Variants in TMEM268 observed in about 807,000 individuals in gnomAD.
The protein encoded by TMEM268 is transmembrane protein C9orf91.
In TMEM268, 24 loss-of-function variants were observed where a neutral mutation model predicts 39.1. That is an observed-to-expected ratio of 0.61 (90% CI 0.44 to 0.86). The LOEUF (loss-of-function observed/expected upper bound fraction) is 0.86, where lower values mean the gene tolerates loss of function less well. TMEM268 is among the 40% of genes least tolerant of loss of function. The pLI is 0.00. For missense variants in TMEM268, 409 were observed against 428.6 expected (o/e 0.95, Z 0.40); for synonymous variants, 176 against 173.5 (o/e 1.01, Z -0.12).
chr9:114,631,713 TA>T (rs1399306146), intron 5 of TMEM268, among the ~76,000 whole-genome samples: 2 of 152,220 alleles, frequency 1.3e-5, no homozygotes, highest in Non-Finnish European at 2.9e-5. Context: ...ATCTTCTTAC[TA>T]CAGATCTAGG....
chr9:114,604,972 C>T, the TMEM268 span, among the ~76,000 whole-genome samples: 3 of 152,328 alleles, frequency 2.0e-5, no homozygotes, highest in Non-Finnish European at 2.9e-5. Context: ...CTACCATGCT[C>T]TGCCTTCAGG....
Position 114,644,942 on chromosome 9 carries a change from G to T in TMEM268, c.*1629G>T, listed in dbSNP as rs1827512520. On this transcript the variant is annotated 3_prime_UTR_variant, in exon 9 of 9. Coordinates refer to ENST00000288502, the MANE Select transcript of TMEM268 (RefSeq NM_153045.4). ...CTCCCAAGTAGCTGGGACTACAGGT[G>T]TGCACCACTACTCCTGGATATTTTT... The T allele has an allele frequency of 6.6e-6, 1 of 152,102 alleles. No individual in the cohort carries two copies. The highest frequency in any genetic ancestry group is 6.6e-5 in the Admixed American group (1 of 15,260). 9.4% of individuals were successfully genotyped at this position (152,102 alleles called of 1,614,324 possible). A position where few individuals can be genotyped will look rare whatever the true frequency, so the allele number is the denominator to read the frequency against.
chr9:114,643,104 G>A, intron 8 of TMEM268, 30 bp from the exon 9 acceptor site: 1 of 1,613,018 alleles, frequency 6.2e-7, no homozygotes, highest in Non-Finnish European at 8.5e-7. Flanking sequence ...CTCCCCTGTG[G>A]TATTCAATCT....
At chr9:114,638,414 C>T (rs1247796617) in intron 7 of TMEM268, 130 bp from the exon 8 acceptor site, 1 of 613,502 alleles carries the variant, frequency 1.6e-6, no homozygotes, top group Non-Finnish European at 2.8e-6. Context: ...ATGCGACCAG[C>T]TTTTTCTGAG....
chr9:114,637,945 C>T (rs527348447), intron 7 of TMEM268, among the ~76,000 whole-genome samples: 1 of 152,240 alleles, frequency 6.6e-6, no homozygotes, highest in Non-Finnish European at 1.5e-5. Flanking sequence ...TGGCCTCAGG[C>T]AGGGCCTTTG....
chr9:114,628,322 C>T (rs1311481926), intron 5 of TMEM268, 72 bp downstream of exon 5: 3 of 1,547,804 alleles, frequency 1.9e-6, no homozygotes, highest in Non-Finnish European at 2.7e-6. Context: ...AGATTTTTCC[C>T]TTTTGCCTCC....
At chr9:114,626,273 T>A (rs921962341) in intron 3 of TMEM268, among the ~76,000 whole-genome samples, 1 of 152,222 alleles carries the variant, frequency 6.6e-6, no homozygotes, top group Admixed American at 6.5e-5. Flanking sequence ...TAAATATCAT[T>A]TTAATGGTTA....
At chr9:114,614,519 T>C (rs1845626946) in intron 1 of TMEM268, among the ~76,000 whole-genome samples, 1 of 152,194 alleles carries the variant, frequency 6.6e-6, no homozygotes, top group African/African-American at 2.4e-5. Flanking sequence ...CTGTTTAAAG[T>C]ATTGAGAGAA....
In TMEM268 at chr9:114,645,234, TG is replaced by T. The variant is rs1285350069; in HGVS notation, c.*1923del. The T allele has an allele frequency of 6.6e-6, 1 of 152,400 alleles. No homozygotes were observed. Among genetic ancestry groups the T allele is most frequent in the Non-Finnish European group, 1.5e-5 (1 of 68,062 alleles). The allele number at this position is 152,400 out of a possible 1,614,324, so 9.4% of individuals were successfully genotyped here. A position where few individuals can be genotyped will look rare whatever the true frequency, so the allele number is the denominator to read the frequency against. ...GCAACCCCACATGGCTGAGATGACC[TG>T]GTCCTAGGACACCCTTGGACAGAAG... is the stretch of plus-strand genomic sequence containing the variant. On this transcript the variant is annotated 3_prime_UTR_variant, in exon 9 of 9. Transcript: ENST00000288502.
chr9:114,607,702 A>C (rs1038766990), upstream of TMEM268, among the ~76,000 whole-genome samples: 1 of 152,148 alleles, frequency 6.6e-6, no homozygotes, highest in Non-Finnish European at 1.5e-5. Flanking sequence ...AAGAGTAACT[A>C]TGAGAATGAA....
chr9:114,607,106 G>A (rs1845375716), upstream of TMEM268, among the ~76,000 whole-genome samples: 2 of 152,238 alleles, frequency 1.3e-5, no homozygotes. Context: ...AGCAACTGCT[G>A]AGTAAGGGTG....
intron 3 of TMEM268, among the ~76,000 whole-genome samples, chr9:114,625,492 T>C (rs1475800728): frequency 6.6e-6 from 1 of 150,388 alleles, no homozygotes; most frequent in African/African-American, 2.4e-5. Flanking sequence ...TTGCCCAGGC[T>C]GGAGTGCAGT....
At chr9:114,626,767 G>A in intron 3 of TMEM268, 132 bp from the exon 4 acceptor site, 1 of 608,462 alleles carries the variant, frequency 1.6e-6, no homozygotes, top group Non-Finnish European at 3.0e-6. Flanking sequence ...CTTCCACCCA[G>A]TGCTCCAAGC....
intron 8 of TMEM268, among the ~76,000 whole-genome samples, chr9:114,641,829 G>A (rs1011779413): frequency 6.6e-6 from 1 of 151,752 alleles, no homozygotes; most frequent in Non-Finnish European, 1.5e-5. Flanking sequence ...TAGTAGAGAC[G>A]GGGTTTCACC....
chr9:114,612,166 C>G (rs763712998), intron 1 of TMEM268, among the ~76,000 whole-genome samples: 2 of 152,142 alleles, frequency 1.3e-5, no homozygotes, highest in Admixed American at 1.3e-4. Context: ...AGGAAACTGA[C>G]GAATCTCAGT....
rs1827476781 is a variant in TMEM268 at position 114,644,176 on chromosome 9, C to T, written c.*863C>T. The T allele has an allele frequency of 6.6e-6, 1 of 152,352 alleles. No individual in the cohort carries two copies. Among genetic ancestry groups the T allele is most frequent in the South Asian group, 2.1e-4 (1 of 4,830 alleles). 9.4% of individuals were successfully genotyped at this position (152,352 alleles called of 1,614,324 possible). ...CTCAGAGGCTTCCAAGTGATCTGCTCCTGAACAAGTTTGAAGACCTATTGT... is the reference window on the plus strand; with the variant it reads ...CTCAGAGGCTTCCAAGTGATCTGCTTCTGAACAAGTTTGAAGACCTATTGT... On this transcript the variant is annotated 3_prime_UTR_variant, in exon 9 of 9. Transcript: ENST00000288502.
chr9:114,606,929 T>C (rs139878903), upstream of TMEM268, among the ~76,000 whole-genome samples: 1,006 of 152,148 alleles, frequency 6.6e-3, 14 homozygotes, highest in African/African-American at 0.022. Flanking sequence ...TTTCACTTAC[T>C]CATCCAGCAG....
chr9:114,611,274 C>G (rs1012759804), upstream of TMEM268: 1 of 151,864 alleles, frequency 6.6e-6, no homozygotes, highest in Non-Finnish European at 1.5e-5. Context: ...TCCGGCGTCC[C>G]GGGGGGGCGC....
intron 2 of TMEM268, chr9:114,622,078 G>T (rs930959673): frequency 2.0e-6 from 2 of 985,268 alleles, no homozygotes; most frequent in African/African-American, 3.5e-5. Flanking sequence ...GCACAGAGTG[G>T]ACAGATGTTT....
Sources: gnomAD v4.1 joint callset for allele counts (sites outside exome capture counted in the v4.1 genomes callset) on GRCh38, gnomAD v4.1.1 for gene constraint, MANE v1.5 for transcripts, NCBI Gene and HGNC (gene_info 2026-07-23, HGNC 2026-07-21) for gene names.